The following KCND2 variants were observed in gnomAD, a reference collection of about 807,000 sequenced individuals.
KCND2 encodes potassium voltage-gated channel subfamily D member 2, also known as A-type voltage-gated potassium channel KCND2.
KCND2 carries 16 observed loss-of-function variants against 54.4 expected under a neutral mutation model. That is an observed-to-expected ratio of 0.29 (90% CI 0.20 to 0.45). The LOEUF is 0.45. Among genes scored for constraint, KCND2 ranks in the 20% least tolerant of loss-of-function variants. The probability of loss-of-function intolerance (pLI) is 1.00; values close to 1 mark genes in which losing one functional copy is unlikely to be tolerated. For synonymous variants in KCND2, 317 were observed against 310.7 expected (o/e 1.02, Z -0.21); for missense variants, 486 against 824.2 (o/e 0.59, Z 5.02).
At chr7:120,450,333 C>A (rs1367460502) in intron 1 of KCND2, among the ~76,000 whole-genome samples, 1 of 152,102 alleles carries the variant, frequency 6.6e-6, no homozygotes, top group African/African-American at 2.4e-5. Flanking sequence ...TCGATTTAAC[C>A]TGGGAGGTGA....
At chr7:120,557,945 C>T (rs1792184676) in intron 1 of KCND2, among the ~76,000 whole-genome samples, 1 of 152,076 alleles carries the variant, frequency 6.6e-6, no homozygotes, top group African/African-American at 2.4e-5. Flanking sequence ...ATTCCAAACT[C>T]CTGAAGAAAT....
chr7:120,377,634 C>A (rs1800853488), intron 1 of KCND2, among the ~76,000 whole-genome samples: 1 of 151,728 alleles, frequency 6.6e-6, no homozygotes, highest in Non-Finnish European at 1.5e-5. Flanking sequence ...CATATTCAAG[C>A]CTGACATTTA....
In KCND2 at chr7:120,274,331, T is replaced by C. The variant is rs1799139496; in HGVS notation, c.-302T>C. ...TGAAGAAACGGCTGCACCTGTGTGC[T>C]TATTTGTGCCAGAGGGTGGCCTAGC... On this transcript the variant is annotated 5_prime_UTR_variant, in exon 1 of 6. Transcript: ENST00000331113. The C allele has an allele frequency of 3.8e-6, 2 of 525,628 alleles. No individual in the cohort carries two copies. Among genetic ancestry groups the C allele is most frequent in the African/African-American group, 3.8e-5 (2 of 52,398 alleles). 32.6% of individuals were successfully genotyped at this position (525,628 alleles called of 1,614,324 possible).
intron 1 of KCND2, among the ~76,000 whole-genome samples, chr7:120,668,607 T>C (rs1791955783): frequency 1.3e-5 from 2 of 152,078 alleles, no homozygotes; most frequent in Admixed American, 1.3e-4. Context: ...TTAGTTCAGG[T>C]CTAATAAAAT....
At chr7:120,460,601 A>G (rs1039280286) in intron 1 of KCND2, among the ~76,000 whole-genome samples, 10 of 150,418 alleles carry the variant, frequency 6.6e-5, no homozygotes, top group African/African-American at 2.5e-4. Context: ...GGAATCTAGA[A>G]TATAAACCAC....
chr7:120,589,802 TCA>T (rs1792647549), intron 1 of KCND2, among the ~76,000 whole-genome samples: 1 of 152,200 alleles, frequency 6.6e-6, no homozygotes, highest in African/African-American at 2.4e-5. Context: ...TCACTATGTC[TCA>T]GTTTATTCCT....
intron 2 of KCND2, among the ~76,000 whole-genome samples, chr7:120,733,955 A>T (rs1792840196): frequency 6.6e-6 from 1 of 152,268 alleles, no homozygotes; most frequent in East Asian, 1.9e-4. Context: ...TCACAAAAGA[A>T]TTCATATGTT....
chr7:120,428,807 A>T (rs1356813873), intron 1 of KCND2, among the ~76,000 whole-genome samples: 2 of 152,198 alleles, frequency 1.3e-5, no homozygotes, highest in Non-Finnish European at 2.9e-5. Flanking sequence ...ATCAAAAGAA[A>T]ATTGAAATCA....
intron 1 of KCND2, among the ~76,000 whole-genome samples, chr7:120,729,733 T>C (rs974903612): frequency 6.6e-6 from 1 of 152,230 alleles, no homozygotes; most frequent in Non-Finnish European, 1.5e-5. Context: ...ATTGCAGTCC[T>C]GCCCAGTCCT....
chr7:120,629,953 G>C (rs1793212511), intron 1 of KCND2, among the ~76,000 whole-genome samples: 1 of 152,148 alleles, frequency 6.6e-6, no homozygotes, highest in South Asian at 2.1e-4. Flanking sequence ...TAAGCTGTTG[G>C]CTATACTAGC....
chr7:120,535,237 A>G (rs1791891196), intron 1 of KCND2, among the ~76,000 whole-genome samples: 1 of 152,096 alleles, frequency 6.6e-6, no homozygotes, highest in Non-Finnish European at 1.5e-5. Context: ...CACTTTTCTC[A>G]TCTGACATAC....
At chr7:120,365,219 GAGGGAGGGAGGGAGGC>G (rs1800652028) in intron 1 of KCND2, among the ~76,000 whole-genome samples, 1 of 144,068 alleles carries the variant, frequency 6.9e-6, no homozygotes, top group Non-Finnish European at 1.5e-5. Context: ...GGAAGGGAGG[GAGGGAGGGAGGGAGGC>G]AGGGAGGGAG....
At chr7:120,475,787 A>G (rs1014548769) in intron 1 of KCND2, among the ~76,000 whole-genome samples, 1 of 152,222 alleles carries the variant, frequency 6.6e-6, no homozygotes, top group African/African-American at 2.4e-5. Flanking sequence ...CTGTGGCAAT[A>G]TAATTCTGAA....
At chr7:120,620,445 AT>A (rs1793083918) in intron 1 of KCND2, among the ~76,000 whole-genome samples, 1 of 152,344 alleles carries the variant, frequency 6.6e-6, no homozygotes, top group African/African-American at 2.4e-5. Context: ...AATCAAAAAA[AT>A]AAATAAATAT....
chr7:120,529,267 A>G (rs925520693), intron 1 of KCND2, among the ~76,000 whole-genome samples: 1 of 152,188 alleles, frequency 6.6e-6, no homozygotes, highest in Non-Finnish European at 1.5e-5. Flanking sequence ...AATGAAAAAG[A>G]TGGTCTTCTA....
At chr7:120,515,064 C>T (rs1803176359) in intron 1 of KCND2, among the ~76,000 whole-genome samples, 1 of 152,026 alleles carries the variant, frequency 6.6e-6, no homozygotes, top group Non-Finnish European at 1.5e-5. Context: ...GAAGGTCCTC[C>T]AGCTTATACT....
At chr7:120,403,812 A>G (rs1801307890) in intron 1 of KCND2, among the ~76,000 whole-genome samples, 1 of 152,078 alleles carries the variant, frequency 6.6e-6, no homozygotes, top group Admixed American at 6.6e-5. Context: ...CCAGATATAA[A>G]CAATGACTGT....
At chr7:120,740,329 G>C (rs1792924982) in intron 2 of KCND2, among the ~76,000 whole-genome samples, 1 of 151,866 alleles carries the variant, frequency 6.6e-6, no homozygotes, top group African/African-American at 2.4e-5. Flanking sequence ...AAAAAATCTA[G>C]ATAATTTTAA....
chr7:120,358,425 G>A (rs1183936413), intron 1 of KCND2, among the ~76,000 whole-genome samples: 2 of 152,090 alleles, frequency 1.3e-5, no homozygotes, highest in Non-Finnish European at 2.9e-5. Context: ...TGGTACATGG[G>A]ATAAGCAGTC....
Sources: allele counts gnomAD v4.1 joint callset (sites outside exome capture counted in the v4.1 genomes callset), GRCh38; gene constraint gnomAD v4.1.1; transcripts MANE v1.5; gene names NCBI Gene and HGNC (gene_info 2026-07-23, HGNC 2026-07-21).